The following CATSPERT variants were observed in gnomAD, a reference collection of about 807,000 sequenced individuals.
The protein encoded by CATSPERT is cation channel sperm-associated targeting subunit tau.
At chr2:201,560,243 T>G in the CATSPERT span, among the ~76,000 whole-genome samples, 1 of 151,822 alleles carries the variant, frequency 6.6e-6, no homozygotes, top group Non-Finnish European at 1.5e-5. Flanking sequence ...TGCTGGCCAA[T>G]AAGGCGAAAC....
the CATSPERT span, among the ~76,000 whole-genome samples, chr2:201,590,151 A>G: frequency 2.7e-5 from 4 of 150,414 alleles, no homozygotes; most frequent in South Asian, 2.2e-4. Context: ...CCACCCCACA[A>G]CAGTCCCCAG....
chr2:201,541,985 T>C, the CATSPERT span, among the ~76,000 whole-genome samples: 3 of 151,980 alleles, frequency 2.0e-5, no homozygotes, highest in Admixed American at 2.0e-4. Context: ...CCTTGAACTC[T>C]TGGGTTCATG....
At chr2:201,529,260 T>C in the CATSPERT span, among the ~76,000 whole-genome samples, 1 of 152,046 alleles carries the variant, frequency 6.6e-6, no homozygotes, top group Non-Finnish European at 1.5e-5. Flanking sequence ...CTAAAACCCA[T>C]ATGGAACCAT....
chr2:201,552,417 A>G, the CATSPERT span, among the ~76,000 whole-genome samples: 1 of 152,206 alleles, frequency 6.6e-6, no homozygotes, highest in Non-Finnish European at 1.5e-5. Context: ...GAGTTGCTTG[A>G]TATGTACCAT....
chr2:201,530,746 T>C, the CATSPERT span, among the ~76,000 whole-genome samples: 1 of 152,162 alleles, frequency 6.6e-6, no homozygotes, highest in Non-Finnish European at 1.5e-5. Context: ...TCTTACCACT[T>C]ACCCTTTGTG....
At chr2:201,615,995 A>C in the CATSPERT span, among the ~76,000 whole-genome samples, 1 of 152,248 alleles carries the variant, frequency 6.6e-6, no homozygotes, top group African/African-American at 2.4e-5. Context: ...CACCCTCCCA[A>C]GACTAAACCA....
chr2:201,563,122 G>A, the CATSPERT span, among the ~76,000 whole-genome samples: 998 of 57,458 alleles, frequency 0.017, 3 homozygotes, highest in African/African-American at 0.021. Context: ...CCTCCCGGAT[G>A]GGGCGGCTGG....
chr2:201,562,027 T>A, the CATSPERT span, among the ~76,000 whole-genome samples: 1 of 151,492 alleles, frequency 6.6e-6, no homozygotes, highest in Non-Finnish European at 1.5e-5. Context: ...TCCCCCTTAC[T>A]TTTTGGTCCA....
the CATSPERT span, among the ~76,000 whole-genome samples, chr2:201,505,648 A>T: frequency 6.6e-6 from 1 of 152,230 alleles, no homozygotes; most frequent in African/African-American, 2.4e-5. Flanking sequence ...CAAAACAAGG[A>T]AAATCAGAAA....
chr2:201,513,125 G>T, the CATSPERT span, among the ~76,000 whole-genome samples: 2 of 150,730 alleles, frequency 1.3e-5, no homozygotes, highest in Non-Finnish European at 1.5e-5. Context: ...ATAAAAAAAA[G>T]AAACTATCAA....
chr2:201,516,627 T>C, the CATSPERT span, among the ~76,000 whole-genome samples: 1 of 152,196 alleles, frequency 6.6e-6, no homozygotes, highest in African/African-American at 2.4e-5. Context: ...CAAAATGTCA[T>C]TATGTGGCAC....
the CATSPERT span, chr2:201,496,084 T>G: frequency 3.2e-6 from 2 of 616,176 alleles, no homozygotes; most frequent in Non-Finnish European, 2.7e-6. Flanking sequence ...AATATTTTTA[T>G]CATAACAACT....
chr2:201,591,625 T>C, the CATSPERT span, among the ~76,000 whole-genome samples: 5 of 152,244 alleles, frequency 3.3e-5, no homozygotes, highest in South Asian at 1.0e-3. Flanking sequence ...GAGCATGGAA[T>C]ATTCTTCCAT....
chr2:201,592,372 AT>A, the CATSPERT span, among the ~76,000 whole-genome samples: 1 of 142,322 alleles, frequency 7.0e-6, no homozygotes, highest in South Asian at 2.5e-4. Context: ...GTGCTGCTGG[AT>A]TCGGTTTGCC....
chr2:201,604,185 T>C, the CATSPERT span, among the ~76,000 whole-genome samples: 10 of 149,930 alleles, frequency 6.7e-5, no homozygotes, highest in South Asian at 1.9e-3. Flanking sequence ...GAGAGGGGGG[T>C]GTTTGCTTTT....
the CATSPERT span, chr2:201,493,026 A>G: frequency 1.6e-5 from 25 of 1,536,456 alleles, no homozygotes; most frequent in Middle Eastern, 8.3e-4. Context: ...GTTCTGTGTC[A>G]CTTGTAAAAG....
chr2:201,571,946 G>A, the CATSPERT span: 69 of 1,612,524 alleles, frequency 4.3e-5, no homozygotes, highest in South Asian at 1.8e-4. Flanking sequence ...CTTACGTCAC[G>A]GGATCTGTTC....
the CATSPERT span, among the ~76,000 whole-genome samples, chr2:201,516,075 T>A: frequency 6.6e-6 from 1 of 152,232 alleles, no homozygotes; most frequent in East Asian, 1.9e-4. Context: ...ACTACACACC[T>A]ATGCTATAGG....
At chr2:201,570,813 C>G in the CATSPERT span, among the ~76,000 whole-genome samples, 1 of 152,266 alleles carries the variant, frequency 6.6e-6, no homozygotes, top group South Asian at 2.1e-4. Flanking sequence ...TGTGCTCTAT[C>G]AAGAGAATGT....
Sources: allele counts gnomAD v4.1 joint callset (sites outside exome capture counted in the v4.1 genomes callset), GRCh38; gene constraint gnomAD v4.1.1; transcripts MANE v1.5; gene names NCBI Gene and HGNC (gene_info 2026-07-23, HGNC 2026-07-21).